Variants in LYPD6 observed in about 807,000 individuals in gnomAD.
The protein encoded by LYPD6 is LY6/PLAUR domain containing 6.
In LYPD6, 15 loss-of-function variants were observed where a neutral mutation model predicts 22.7. The ratio of observed to expected loss-of-function variants is 0.66; its 90% confidence interval spans 0.44 to 1.02. The LOEUF (loss-of-function observed/expected upper bound fraction) is 1.02, where lower values mean the gene tolerates loss of function less well. Among genes scored for constraint, LYPD6 ranks in the 50% least tolerant of loss-of-function variants. The pLI, the probability that LYPD6 is intolerant of heterozygous loss-of-function variation, is 0.00. For missense variants in LYPD6, 189 were observed against 208.4 expected (o/e 0.91, Z 0.57); for synonymous variants, 72 against 77.5 (o/e 0.93, Z 0.37).
chr2:149,441,318 A>G lies in LYPD6; in HGVS notation c.118+3492A>G, dbSNP rs185034713. Among the ~76,000 whole-genome samples the G allele has an allele frequency of 9.8e-4, 150 of 152,344 alleles. 1 individual carries two copies. Among genetic ancestry groups the G allele is most frequent in the Non-Finnish European group, 2.2e-4 (15 of 68,034 alleles). On this transcript the variant is annotated intron_variant, in intron 2 of 4. Coordinates refer to ENST00000334166, the MANE Select transcript of LYPD6 (RefSeq NM_194317.5). ...TTTCATTAATGTTACAATGTGTAAC[A>G]TGAAGCTCGGAACCTGCTGAAGGAG...
the LYPD6 span, among the ~76,000 whole-genome samples, chr2:149,483,723 C>T: frequency 1.3e-5 from 2 of 152,114 alleles, no homozygotes; most frequent in African/African-American, 4.8e-5. Flanking sequence ...AAGCATATAT[C>T]AAAGCATTAC....
At chr2:149,338,913 A>G (rs1246417397) in intron 1 of LYPD6, among the ~76,000 whole-genome samples, 1 of 152,170 alleles carries the variant, frequency 6.6e-6, no homozygotes, top group Non-Finnish European at 1.5e-5. Context: ...TTTACATAAA[A>G]TCTGGTATAT....
chr2:149,483,938 G>A, the LYPD6 span, among the ~76,000 whole-genome samples: 1 of 152,162 alleles, frequency 6.6e-6, no homozygotes, highest in Non-Finnish European at 1.5e-5. Context: ...GCATTAGCTT[G>A]GGATCAGCAG....
intron 1 of LYPD6, among the ~76,000 whole-genome samples, chr2:149,393,193 A>G (rs1682352843): frequency 6.6e-6 from 1 of 152,192 alleles, no homozygotes; most frequent in African/African-American, 2.4e-5. Flanking sequence ...TTTTCATGGT[A>G]ATTATAATCA....
chr2:149,441,651 CT>C (rs1683570296), intron 2 of LYPD6, among the ~76,000 whole-genome samples: 1 of 152,106 alleles, frequency 6.6e-6, no homozygotes, highest in Non-Finnish European at 1.5e-5. Context: ...TTTTTCTTTG[CT>C]TGTTTTTATG....
At chr2:149,440,524 T>C (rs565127402) in intron 2 of LYPD6, 1 of 152,240 alleles carries the variant, frequency 6.6e-6, no homozygotes, top group African/African-American at 2.4e-5. Flanking sequence ...AGGATGGAAG[T>C]TGTTCCTAAG....
chr2:149,367,227 G>A (rs189031718), intron 1 of LYPD6, among the ~76,000 whole-genome samples: 1 of 152,236 alleles, frequency 6.6e-6, no homozygotes, highest in East Asian at 1.9e-4. Context: ...CCAGGACAGG[G>A]ATCTCATCTG....
In LYPD6 at chr2:149,471,045, T is replaced by A. The variant is rs1394388613; in HGVS notation, c.*195T>A. On this transcript the variant is annotated 3_prime_UTR_variant, in exon 5 of 5. Transcript: ENST00000334166. ...TAGCCATTTTGAGTCTAACCGAGAC[T>A]CATCAAAGCCTTCTGTCAGTACAGC... 2.1e-6 allele frequency: 1 copy of A among 483,694 alleles called. No individual in the cohort carries two copies. Among genetic ancestry groups the A allele is most frequent in the Non-Finnish European group, 3.7e-6 (1 of 270,634 alleles). 30.0% of individuals were successfully genotyped at this position (483,694 alleles called of 1,614,324 possible).
chr2:149,422,941 T>C (rs1162442698), intron 1 of LYPD6, among the ~76,000 whole-genome samples: 2 of 152,218 alleles, frequency 1.3e-5, no homozygotes, highest in Admixed American at 6.5e-5. Context: ...TTTTAACAGC[T>C]TTTTCTCTAA....
At chr2:149,480,523 G>A in the LYPD6 span, among the ~76,000 whole-genome samples, 1 of 30,962 alleles carries the variant, frequency 3.2e-5, no homozygotes, top group Non-Finnish European at 6.3e-5. Flanking sequence ...ACTCTCATGG[G>A]ACCCTGAACT....
At chr2:149,381,506 C>T (rs1682063504) in intron 1 of LYPD6, among the ~76,000 whole-genome samples, 1 of 152,074 alleles carries the variant, frequency 6.6e-6, no homozygotes, top group African/African-American at 2.4e-5. Context: ...TGTGCCAGTT[C>T]TTTTCTGATT....
At chr2:149,356,142 G>T (rs1431776278) in intron 1 of LYPD6, among the ~76,000 whole-genome samples, 2 of 149,874 alleles carry the variant, frequency 1.3e-5, no homozygotes, top group African/African-American at 4.9e-5. Flanking sequence ...TGCAAAACAA[G>T]TATGCAAACA....
At chr2:149,404,243 A>C (rs1054973549) in intron 1 of LYPD6, among the ~76,000 whole-genome samples, 2 of 152,270 alleles carry the variant, frequency 1.3e-5, no homozygotes, top group African/African-American at 2.4e-5. Context: ...TATGAACTTT[A>C]AAGTAGTTTT....
At chr2:149,392,889 T>C (rs1166432965) in intron 1 of LYPD6, among the ~76,000 whole-genome samples, 1 of 152,082 alleles carries the variant, frequency 6.6e-6, no homozygotes, top group Non-Finnish European at 1.5e-5. Flanking sequence ...TAGCTGGGCC[T>C]GATGGTGAGT....
chr2:149,393,424 A>G (rs929538799), intron 1 of LYPD6, among the ~76,000 whole-genome samples: 13 of 150,716 alleles, frequency 8.6e-5, no homozygotes, highest in African/African-American at 3.2e-4. Flanking sequence ...TGATGATAAC[A>G]GGGTATTTTC....
intron 1 of LYPD6, among the ~76,000 whole-genome samples, chr2:149,374,179 G>C (rs892200961): frequency 6.6e-6 from 1 of 152,172 alleles, no homozygotes; most frequent in Non-Finnish European, 1.5e-5. Context: ...AGAAACCAGG[G>C]CAGGGAAGGC....
intron 1 of LYPD6, among the ~76,000 whole-genome samples, chr2:149,402,746 A>G (rs551994640): frequency 2.3e-4 from 35 of 151,704 alleles, no homozygotes; most frequent in Non-Finnish European, 4.3e-4. Context: ...TATTATAATT[A>G]TACTTTAAGT....
At chr2:149,466,075 T>G (rs559765485) in intron 3 of LYPD6, among the ~76,000 whole-genome samples, 59 of 152,290 alleles carry the variant, frequency 3.9e-4, no homozygotes, top group African/African-American at 1.4e-3. Flanking sequence ...AGAACAATGC[T>G]CTGTGGCTGA....
intron 1 of LYPD6, among the ~76,000 whole-genome samples, chr2:149,334,782 G>A (rs1681003803): frequency 6.6e-6 from 1 of 151,672 alleles, no homozygotes; most frequent in South Asian, 2.1e-4. Flanking sequence ...TCTGAAGAAG[G>A]GGGATTGACG....
Sources: allele counts gnomAD v4.1 joint callset (sites outside exome capture counted in the v4.1 genomes callset), GRCh38; gene constraint gnomAD v4.1.1; transcripts MANE v1.5; gene names NCBI Gene and HGNC (gene_info 2026-07-23, HGNC 2026-07-21).